The following E2F7 variants were observed in gnomAD, a reference collection of about 807,000 sequenced individuals.
E2F7 encodes transcription factor E2F7.
Under a neutral mutation model 81.1 loss-of-function variants are expected in E2F7, and 35 were observed. The observed-to-expected ratio is 0.43, with a 90% CI of 0.33 to 0.57. The LOEUF (loss-of-function observed/expected upper bound fraction) is 0.57, where lower values mean the gene tolerates loss of function less well. Among genes scored for constraint, E2F7 ranks in the 20% least tolerant of loss-of-function variants. The probability of loss-of-function intolerance (pLI) is 0.04; values close to 1 mark genes in which losing one functional copy is unlikely to be tolerated. For synonymous variants in E2F7, 416 were observed against 416.2 expected, an observed-to-expected ratio of 1.00 and a Z score of 0.01; for missense variants, 961 against 1,093.7, an observed-to-expected ratio of 0.88 and a Z score of 1.71.
intron 7 of E2F7, among the ~76,000 whole-genome samples, chr12:77,036,442 C>G (rs1440677206): frequency 6.6e-6 from 1 of 151,978 alleles, no homozygotes; most frequent in East Asian, 1.9e-4. Flanking sequence ...GGATGATTGC[C>G]TGAGCCCAGG....
intron 2 of E2F7, among the ~76,000 whole-genome samples, 187 bp from the exon 3 acceptor site, chr12:77,056,317 T>C (rs1592566986): frequency 6.6e-6 from 1 of 152,160 alleles, no homozygotes; most frequent in African/African-American, 2.4e-5. Context: ...CAATGAGAAG[T>C]AGATTATACT....
chr12:77,028,936 A>G (rs921383662), intron 10 of E2F7, among the ~76,000 whole-genome samples: 6 of 152,208 alleles, frequency 3.9e-5, no homozygotes, highest in Admixed American at 2.0e-4. Flanking sequence ...TGTGATTTCG[A>G]AGTAGAGAAA....
chr12:77,027,315 C>G (rs1380576937), intron 11 of E2F7, among the ~76,000 whole-genome samples: 1 of 152,116 alleles, frequency 6.6e-6, no homozygotes, highest in Non-Finnish European at 1.5e-5. Flanking sequence ...TACTAAGTGC[C>G]AGGTGCTATT....
chr12:77,050,025 C>G (rs901669049), intron 4 of E2F7, among the ~76,000 whole-genome samples: 3 of 152,182 alleles, frequency 2.0e-5, no homozygotes, highest in Non-Finnish European at 2.9e-5. Context: ...ACATCATACA[C>G]TCATGCACGT....
At chr12:77,033,169 CATACCAA>C in intron 8 of E2F7, 47 bp from the exon 9 acceptor site, 1 of 1,497,934 alleles carries the variant, frequency 6.7e-7, no homozygotes, top group South Asian at 1.1e-5. Context: ...GAGACTTATA[CATACCAA>C]CTATATACTG....
chr12:77,027,823 A>G, intron 11 of E2F7, 60 bp downstream of exon 11: 1 of 1,577,960 alleles, frequency 6.3e-7, no homozygotes, highest in African/African-American at 1.4e-5. Flanking sequence ...CAAAAATTTA[A>G]AAATCCAATT....
intron 2 of E2F7, among the ~76,000 whole-genome samples, chr12:77,059,966 A>G (rs1015629124): frequency 2.7e-5 from 4 of 150,194 alleles, no homozygotes; most frequent in Non-Finnish European, 5.9e-5. Context: ...GTCTCAAAAA[A>G]AAAAAAAAAA....
rs567551013 is a variant in E2F7, at chr12:77,050,205, T to C, written c.538+371A>G. 3.4e-4 allele frequency among the ~76,000 whole-genome samples: 52 copies of C among 152,302 alleles called. No homozygotes were observed. The South Asian group carries it at 0.011, about 32-fold the overall frequency. On this transcript the variant is annotated intron_variant, in intron 4 of 12. Coordinates refer to ENST00000322886, the MANE Select transcript of E2F7 (RefSeq NM_203394.3). ...AGTTGAAATAACACTAGTTCTGAAC[T>C]CCTGGAAGCATTATTAAAAATAAAA...
At chr12:77,044,076 G>C (rs914756598) in intron 6 of E2F7, among the ~76,000 whole-genome samples, 3 of 152,146 alleles carry the variant, frequency 2.0e-5, no homozygotes, top group African/African-American at 7.2e-5. Context: ...AAAATAGCCA[G>C]ATGTTGCAGC....
chr12:77,024,821 A>C (rs1408226022), intron 12 of E2F7, among the ~76,000 whole-genome samples: 1 of 152,184 alleles, frequency 6.6e-6, no homozygotes, highest in Non-Finnish European at 1.5e-5. Context: ...ATGTCTCGCA[A>C]ACTTTTGAGC....
intron 4 of E2F7, among the ~76,000 whole-genome samples, chr12:77,050,101 TA>T (rs1357187541): frequency 1.3e-5 from 2 of 152,290 alleles, no homozygotes; most frequent in African/African-American, 2.4e-5. Flanking sequence ...GACCTTTTTC[TA>T]ATTTGACCCA....
intron 4 of E2F7, 58 bp from the exon 5 acceptor site, chr12:77,046,386 T>G: frequency 3.9e-6 from 6 of 1,552,970 alleles, no homozygotes; most frequent in East Asian, 2.3e-5. Flanking sequence ...TGAAGAGAAG[T>G]TCCTTGAGGG....
At chr12:77,028,318 G>C (rs934480506) in intron 10 of E2F7, among the ~76,000 whole-genome samples, 180 bp from the exon 11 acceptor site, 1 of 151,812 alleles carries the variant, frequency 6.6e-6, no homozygotes. Context: ...TCAGCCTCCC[G>C]AGTAGCTGGG....
chr12:77,039,307 C>G (rs1352373407), intron 7 of E2F7, among the ~76,000 whole-genome samples: 1 of 152,114 alleles, frequency 6.6e-6, no homozygotes, highest in Non-Finnish European at 1.5e-5. Flanking sequence ...AAAACTAATA[C>G]ATTAGTGGAC....
In E2F7 at chr12:77,046,285, C is replaced by T. The variant is rs150150654; in HGVS notation, c.582G>A (p.Glu194=). Reference sequence around the variant, plus strand: ...CCACCCGGCTGACCAGATGCAGCGACTCCAGCACATTTACAATGTCATAGA... The same window carrying T: ...CCACCCGGCTGACCAGATGCAGCGATTCCAGCACATTTACAATGTCATAGA... ...RRIYDIVNVL[E]SLHLVSRVAK... The change falls in exon 5 of 13, where the codon GAG becomes GAA. Residue 194 remains glutamate, a synonymous_variant. Transcript: ENST00000322886. 115 of 1,614,152 alleles carry T rather than the reference C, an allele frequency of 7.1e-5. No individual in the cohort carries two copies. In the African/African-American group the frequency reaches 1.4e-3, roughly 20 times the overall value.
At chr12:77,055,811 T>C (rs769043249) in intron 3 of E2F7, 44 bp downstream of exon 3, 8 of 1,522,032 alleles carry the variant, frequency 5.3e-6, no homozygotes, top group Middle Eastern at 1.8e-4. Context: ...TCAAGTAAAA[T>C]TGTTTAAGTT....
chr12:77,027,004 T>G (rs942449647), intron 11 of E2F7, among the ~76,000 whole-genome samples: 5 of 152,234 alleles, frequency 3.3e-5, no homozygotes, highest in African/African-American at 7.2e-5. Context: ...GGCTGTAATT[T>G]TCATTCAGCA....
intron 8 of E2F7, among the ~76,000 whole-genome samples, chr12:77,033,368 C>T (rs540030092): frequency 6.6e-6 from 1 of 152,060 alleles, no homozygotes; most frequent in East Asian, 1.9e-4. Context: ...AAAAATTAGC[C>T]AGGCATGGTG....
Position 77,025,924 on chromosome 12 carries a change from C to T in E2F7, c.2199G>A (p.Pro733=), listed in dbSNP as rs147299694. The change falls in exon 12 of 13, where the codon CCG becomes CCA. Residue 733 remains proline (P), a synonymous_variant. Coordinates refer to ENST00000322886, the MANE Select transcript of E2F7 (RefSeq NM_203394.3). ...TGAAAGACGGCAGCTGACCTGAGGA[C>T]GGGCCCACAGTAGGGGGGGTTTGAC... ...SGSQTPPTVG[P]SSGQLPSFSV... 3.8e-5 allele frequency: 62 copies of T among 1,613,880 alleles called. No individual in the cohort carries two copies. The Admixed American group carries it at 4.3e-4, about 11-fold the overall frequency.
Sources: gnomAD v4.1 joint callset for allele counts (sites outside exome capture counted in the v4.1 genomes callset) on GRCh38, gnomAD v4.1.1 for gene constraint, MANE v1.5 for transcripts, NCBI Gene and HGNC (gene_info 2026-07-23, HGNC 2026-07-21) for gene names.